Variants in NBAS observed in about 807,000 individuals in gnomAD.
The protein encoded by NBAS is NAG/BC035112 fusion.
Under a neutral mutation model 302.5 loss-of-function variants are expected in NBAS, and 219 were observed. The observed-to-expected ratio is 0.72, with a 90% CI of 0.65 to 0.81. NBAS has a LOEUF of 0.81. Ranked by LOEUF, NBAS falls within the 30% of genes least tolerant of loss-of-function variation. The probability of loss-of-function intolerance (pLI) is 0.00; values close to 1 mark genes in which losing one functional copy is unlikely to be tolerated. For missense variants in NBAS, 2,932 were observed against 2,841.6 expected, an observed-to-expected ratio of 1.03 and a Z score of -0.72; for synonymous variants, 1,118 against 1,021.6, an observed-to-expected ratio of 1.09 and a Z score of -1.80.
At chr2:14,872,187 A>T in the NBAS span, among the ~76,000 whole-genome samples, 1 of 152,212 alleles carries the variant, frequency 6.6e-6, no homozygotes, top group African/African-American at 2.4e-5. Flanking sequence ...TTGAGAGAAC[A>T]TAGTAATTCT....
At chr2:15,314,385 C>CA (rs1309196082) in intron 38 of NBAS, among the ~76,000 whole-genome samples, 1 of 151,946 alleles carries the variant, frequency 6.6e-6, no homozygotes, top group African/African-American at 2.4e-5. Flanking sequence ...ACAACAACAA[C>CA]AAAAAACAAG....
chr2:14,889,720 A>G, the NBAS span, among the ~76,000 whole-genome samples: 48 of 152,204 alleles, frequency 3.2e-4, no homozygotes, highest in Non-Finnish European at 6.5e-4. Flanking sequence ...TCCAATGGCT[A>G]GATGTAGGAA....
chr2:15,059,628 A>C, the NBAS span, among the ~76,000 whole-genome samples: 6 of 152,124 alleles, frequency 3.9e-5, no homozygotes, highest in African/African-American at 1.4e-4. Context: ...ATTAGATCCC[A>C]CCTGGGGAGT....
chr2:15,101,577 G>A, the NBAS span, among the ~76,000 whole-genome samples: 1 of 152,114 alleles, frequency 6.6e-6, no homozygotes, highest in Non-Finnish European at 1.5e-5. Flanking sequence ...CTGACTTTGA[G>A]TTGGGGCAGG....
intron 21 of NBAS, among the ~76,000 whole-genome samples, chr2:15,440,623 C>T (rs1276761718): frequency 6.6e-6 from 1 of 152,236 alleles, no homozygotes; most frequent in African/African-American, 2.4e-5. Context: ...CAAAGGAACG[C>T]AGTTCCTCAC....
chr2:15,347,104 A>G (rs1386360981), intron 35 of NBAS, among the ~76,000 whole-genome samples: 1 of 152,190 alleles, frequency 6.6e-6, no homozygotes, highest in East Asian at 1.9e-4. Flanking sequence ...CATTCTGCAC[A>G]TGTATCCCAG....
the NBAS span, among the ~76,000 whole-genome samples, chr2:14,824,715 T>G: frequency 6.6e-6 from 1 of 152,100 alleles, no homozygotes; most frequent in East Asian, 1.9e-4. Context: ...ACAGCAAACA[T>G]CACTGGAATT....
chr2:14,886,557 AG>A, the NBAS span: 1 of 152,196 alleles, frequency 6.6e-6, no homozygotes, highest in Non-Finnish European at 1.5e-5. Flanking sequence ...AATTGTACCT[AG>A]TATAGGCCTT....
chr2:15,549,499 C>A (rs80318664), intron 6 of NBAS, among the ~76,000 whole-genome samples: 2 of 151,890 alleles, frequency 1.3e-5, no homozygotes, highest in African/African-American at 4.8e-5. Context: ...GAGGCCAAGG[C>A]GGGAGGATCA....
the NBAS span, among the ~76,000 whole-genome samples, chr2:15,161,770 T>G: frequency 4.6e-5 from 7 of 152,142 alleles, no homozygotes; most frequent in Non-Finnish European, 1.0e-4. Context: ...GCAAACCAAG[T>G]GGTTGCTGTC....
At chr2:15,412,351 G>C (rs1351396897) in intron 25 of NBAS, among the ~76,000 whole-genome samples, 1 of 152,190 alleles carries the variant, frequency 6.6e-6, no homozygotes, top group Non-Finnish European at 1.5e-5. Context: ...TATGCCACAA[G>C]AGAGAAAAGG....
the NBAS span, among the ~76,000 whole-genome samples, chr2:14,964,260 AATT>A: frequency 6.6e-6 from 1 of 152,216 alleles, no homozygotes; most frequent in Admixed American, 6.5e-5. Flanking sequence ...ACATTAAAAC[AATT>A]ATTATTATAA....
At chr2:14,969,535 C>T in the NBAS span, among the ~76,000 whole-genome samples, 48 of 151,284 alleles carry the variant, frequency 3.2e-4, no homozygotes, top group East Asian at 1.6e-3. Flanking sequence ...CACCACCATA[C>T]GCGGCTAATT....
the NBAS span, among the ~76,000 whole-genome samples, chr2:15,024,762 C>A: frequency 3.9e-5 from 6 of 152,122 alleles, no homozygotes; most frequent in African/African-American, 1.4e-4. Flanking sequence ...GCATGTATGT[C>A]TTCTTTTGAA....
intron 11 of NBAS, among the ~76,000 whole-genome samples, chr2:15,489,438 T>C (rs1680765613): frequency 6.6e-6 from 1 of 152,072 alleles, no homozygotes; most frequent in South Asian, 2.1e-4. Context: ...AAGTATGCTA[T>C]ATATCATAAA....
At chr2:15,087,099 G>A in the NBAS span, among the ~76,000 whole-genome samples, 1 of 151,690 alleles carries the variant, frequency 6.6e-6, no homozygotes, top group Non-Finnish European at 1.5e-5. Flanking sequence ...ATTCTTCCCG[G>A]TCTCAAGCCT....
At chr2:15,063,510 G>A in the NBAS span, among the ~76,000 whole-genome samples, 679 of 152,092 alleles carry the variant, frequency 4.5e-3, 8 homozygotes, top group African/African-American at 0.015. Flanking sequence ...AATATATAAC[G>A]TTTTATGGAC....
intron 7 of NBAS, among the ~76,000 whole-genome samples, chr2:15,537,411 T>C (rs956118824): frequency 2.0e-5 from 3 of 152,178 alleles, no homozygotes; most frequent in African/African-American, 7.2e-5. Flanking sequence ...TTCCCACAAT[T>C]TACCACCTCA....
At chr2:14,978,243 A>G in the NBAS span, among the ~76,000 whole-genome samples, 1 of 152,000 alleles carries the variant, frequency 6.6e-6, no homozygotes, top group Non-Finnish European at 1.5e-5. Context: ...TCATATCTCT[A>G]CTATGGAATT....
Sources: gnomAD v4.1 joint callset for allele counts (sites outside exome capture counted in the v4.1 genomes callset) on GRCh38, gnomAD v4.1.1 for gene constraint, MANE v1.5 for transcripts, NCBI Gene and HGNC (gene_info 2026-07-23, HGNC 2026-07-21) for gene names.